Variants in RFTN1 observed in about 807,000 individuals in gnomAD.
RFTN1 encodes the protein raftlin, lipid raft linker 1, also known as raftlin.
Under a neutral mutation model 46.5 loss-of-function variants are expected in RFTN1, and 26 were observed. That is an observed-to-expected ratio of 0.56 (90% CI 0.41 to 0.78). RFTN1 has a LOEUF of 0.78. RFTN1 is among the 30% of genes least tolerant of loss of function. The pLI, the probability that RFTN1 is intolerant of heterozygous loss-of-function variation, is 0.00. For synonymous variants in RFTN1, 261 were observed against 284.2 expected (o/e 0.92, Z 0.82); for missense variants, 693 against 718.7 (o/e 0.96, Z 0.41).
chr3:16,350,235 CTTTG>C (rs1324799023), intron 7 of RFTN1: 1 of 152,106 alleles, frequency 6.6e-6, no homozygotes, highest in Non-Finnish European at 1.5e-5. Flanking sequence ...ATATATTATC[CTTTG>C]TTTAACCATT....
Position 16,398,244 on chromosome 3 carries a change from C to CAAAAAAAAAAA in RFTN1, c.441+11120_441+11130dup, listed in dbSNP as rs202032095. ...CCTGGGTGACAGAGAAAGACTGTCT[C>CAAAAAAAAAAA]AAAAAAAAAAAAAAAAAAAAAAAAA... On this transcript the variant is annotated intron_variant, in intron 4 of 9. Coordinates refer to ENST00000334133, the MANE Select transcript of RFTN1 (RefSeq NM_015150.2). 2.4e-3 allele frequency among the ~76,000 whole-genome samples: 261 copies of CAAAAAAAAAAA among 110,804 alleles called. 4 individuals are homozygous for CAAAAAAAAAAA. The highest frequency in any genetic ancestry group is 4.3e-3 in the Non-Finnish European group (206 of 47,780). The allele number at this position is 110,804 out of a possible 152,430, so 72.7% of individuals were successfully genotyped here.
intron 6 of RFTN1, among the ~76,000 whole-genome samples, chr3:16,367,406 C>T: frequency 6.6e-6 from 1 of 152,228 alleles, no homozygotes; most frequent in Non-Finnish European, 1.5e-5. Flanking sequence ...GTCATACTCT[C>T]CCTCCCAAAA....
intron 3 of RFTN1, among the ~76,000 whole-genome samples, chr3:16,432,684 AAG>A (rs956491124): frequency 3.3e-5 from 5 of 152,018 alleles, no homozygotes; most frequent in South Asian, 2.1e-4. Context: ...AGAAAAAAAA[AAG>A]AGAGAGAGAG....
chr3:16,462,226 G>A (rs1368713127), intron 2 of RFTN1, among the ~76,000 whole-genome samples: 7 of 152,176 alleles, frequency 4.6e-5, no homozygotes, highest in Non-Finnish European at 8.8e-5. Flanking sequence ...GTCAGAACAA[G>A]GATTAAATGA....
At position 16,407,807 on chromosome 3, in the gene RFTN1, AAAT is replaced by A. The variant is rs1341134749; in HGVS notation, c.441+1565_441+1567del. On this transcript the variant is annotated intron_variant, in intron 4 of 9. Transcript: ENST00000334133. This position sits in a 1 kb window ranked among gnomAD's most constrained non-coding sequence, Gnocchi z 4.0. ...CTACTTCCCCCCTCCCCCATTTCTT[AAAT>A]AATAATCTGAATTCTACCAGAGTAG... is the stretch of plus-strand genomic sequence containing the variant. Among the ~76,000 whole-genome samples, 1 of 152,036 alleles carries A rather than the reference AAAT, an allele frequency of 6.6e-6. No individual in the cohort carries two copies. The highest frequency in any genetic ancestry group is 6.6e-5 in the Admixed American group (1 of 15,264).
intron 3 of RFTN1, among the ~76,000 whole-genome samples, chr3:16,430,869 G>T (rs2075371634): frequency 6.6e-6 from 1 of 152,146 alleles, no homozygotes; most frequent in Non-Finnish European, 1.5e-5. Flanking sequence ...TCAACAGTTT[G>T]CTCATTTTTG....
intron 2 of RFTN1, among the ~76,000 whole-genome samples, chr3:16,435,543 C>T (rs978664302): frequency 6.6e-6 from 1 of 152,188 alleles, no homozygotes; most frequent in Non-Finnish European, 1.5e-5. Context: ...GCACTCCAGC[C>T]TGGGCAACAA....
At chr3:16,389,038 C>G (rs761153793) in intron 4 of RFTN1, among the ~76,000 whole-genome samples, 1 of 152,136 alleles carries the variant, frequency 6.6e-6, no homozygotes, top group East Asian at 1.9e-4. Flanking sequence ...AGAATTTAAC[C>G]AGGAGCAGAT....
Position 16,334,344 on chromosome 3 carries a change from A to G in RFTN1, c.1147-7468T>C, listed in dbSNP as rs75696537. ...CTCATTGATTCAACCCTCCTGGAGA[A>G]CAGTTTGACAGTATCTTTCAAAATT... On this transcript the variant is annotated intron_variant, in intron 7 of 9. Coordinates refer to ENST00000334133, the MANE Select transcript of RFTN1 (RefSeq NM_015150.2). This position sits in a 1 kb window ranked among gnomAD's most constrained non-coding sequence, Gnocchi z 4.3. Among the ~76,000 whole-genome samples, 1,142 of 152,334 alleles carry G rather than the reference A, an allele frequency of 7.5e-3. 12 individuals carry two copies. The highest frequency in any genetic ancestry group is 0.025 in the African/African-American group (1,046 of 41,568).
rs67676889 is a variant in RFTN1, at chr3:16,387,611, T to TCTCTCTCTCTCTCTCTCTCTC, written c.442-9510_442-9509insGAGAGAGAGAGAGAGAGAGAG. Among the ~76,000 whole-genome samples the TCTCTCTCTCTCTCTCTCTCTC allele has an allele frequency of 7.6e-6, 1 of 131,524 alleles. No homozygotes were observed. Among genetic ancestry groups the TCTCTCTCTCTCTCTCTCTCTC allele is most frequent in the African/African-American group, 2.9e-5 (1 of 33,950 alleles). 86.3% of individuals were successfully genotyped at this position (131,524 alleles called of 152,430 possible). ...CTCTCTCTCTCTCTCTCTCTCTCTC[T>TCTCTCTCTCTCTCTCTCTCTC]ACTGGCTCCTTCCACTCAGCATACA... On this transcript the variant is annotated intron_variant, in intron 4 of 9. Coordinates refer to ENST00000334133, the MANE Select transcript of RFTN1 (RefSeq NM_015150.2). This position sits in a 1 kb window ranked among gnomAD's most constrained non-coding sequence, Gnocchi z 5.2.
At chr3:16,431,597 G>A (rs1481083218) in intron 3 of RFTN1, among the ~76,000 whole-genome samples, 2 of 152,044 alleles carry the variant, frequency 1.3e-5, no homozygotes, top group South Asian at 2.1e-4. Context: ...TGAAGGATGT[G>A]CCAGTGATCT....
intron 4 of RFTN1, among the ~76,000 whole-genome samples, chr3:16,401,081 G>C (rs1449531983): frequency 1.3e-5 from 2 of 152,106 alleles, no homozygotes; most frequent in Non-Finnish European, 2.9e-5. Context: ...AAAAGCCAAT[G>C]GGGGCCGATC....
chr3:16,332,739 T>C (rs56063558), intron 7 of RFTN1, among the ~76,000 whole-genome samples: 26,605 of 152,152 alleles, frequency 0.17, 2,446 homozygotes, highest in Middle Eastern at 0.28. Context: ...ATTAGTTAGA[T>C]TCCTCTATCT....
At position 16,429,690 on chromosome 3, in the gene RFTN1, A is replaced by G. The variant is rs1323726341; in HGVS notation, c.332+4161T>C. Among the ~76,000 whole-genome samples, 2 of 152,220 alleles carry G rather than the reference A, an allele frequency of 1.3e-5. No individual in the cohort carries two copies. The highest frequency in any genetic ancestry group is 2.9e-5 in the Non-Finnish European group (2 of 68,028). The stretch of plus-strand genomic sequence containing the variant: ...CTCACTCAGCAAGTGTTAGTGAATG[A>G]GTGAGGGGATAAATGCAGGCTTGAG... On this transcript the variant is annotated intron_variant, in intron 3 of 9. Transcript: ENST00000334133. This position sits in a 1 kb window ranked among gnomAD's most constrained non-coding sequence, Gnocchi z 6.4.
rs1290114321 is a variant in RFTN1 at position 16,337,686 on chromosome 3, G to A, written c.1147-10810C>T. 6.7e-6 allele frequency among the ~76,000 whole-genome samples: 1 copy of A among 149,248 alleles called. No homozygotes were observed. Among genetic ancestry groups the A allele is most frequent in the Non-Finnish European group, 1.5e-5 (1 of 67,722 alleles). ...GAACCCAGGAGGCGGAGGTTGCAGTGAGCCCAGATTGCGCCACTGCACTCC... is the reference window on the plus strand; with the variant it reads ...GAACCCAGGAGGCGGAGGTTGCAGTAAGCCCAGATTGCGCCACTGCACTCC... On this transcript the variant is annotated intron_variant, in intron 7 of 9. Coordinates refer to ENST00000334133, the MANE Select transcript of RFTN1 (RefSeq NM_015150.2). The surrounding 1 kb of genome is among the most constrained non-coding windows in gnomAD (Gnocchi z 5.0).
Position 16,426,899 on chromosome 3 carries a change from C to T in RFTN1, c.332+6952G>A, listed in dbSNP as rs2075299675. On this transcript the variant is annotated intron_variant, in intron 3 of 9. Coordinates refer to ENST00000334133, the MANE Select transcript of RFTN1 (RefSeq NM_015150.2). The surrounding 1 kb of genome is among the most constrained non-coding windows in gnomAD (Gnocchi z 5.9). ...CTATTGAGCAATATCTATTCAAGGC[C>T]TGGCACTCTGAGCAAGCAATGGGAA... 6.6e-6 allele frequency among the ~76,000 whole-genome samples: 1 copy of T among 152,098 alleles called. No homozygotes were observed. The highest frequency in any genetic ancestry group is 1.5e-5 in the Non-Finnish European group (1 of 68,016).
intron 4 of RFTN1, among the ~76,000 whole-genome samples, chr3:16,378,916 CA>C (rs2073885306): frequency 6.6e-6 from 1 of 152,100 alleles, no homozygotes; most frequent in Non-Finnish European, 1.5e-5. Context: ...AAAAATAGCC[CA>C]AGGCAATTGG....
At chr3:16,464,835 T>C (rs1327163343) in intron 2 of RFTN1, among the ~76,000 whole-genome samples, 1 of 152,256 alleles carries the variant, frequency 6.6e-6, no homozygotes, top group Non-Finnish European at 1.5e-5. Context: ...TTTACCATCT[T>C]TCCCTTTACA....
Position 16,452,274 on chromosome 3 carries a change from A to G in RFTN1, c.146-18237T>C, listed in dbSNP as rs1164581976. ...AGCCAAAGATTCTAAAGAAAACTAAAAAAAAAATAATAGCTGTCAAGGTAG... is the reference window on the plus strand; with the variant it reads ...AGCCAAAGATTCTAAAGAAAACTAAGAAAAAAATAATAGCTGTCAAGGTAG... On this transcript the variant is annotated intron_variant, in intron 2 of 9. Coordinates refer to ENST00000334133, the MANE Select transcript of RFTN1 (RefSeq NM_015150.2). This position sits in a 1 kb window ranked among gnomAD's most constrained non-coding sequence, Gnocchi z 6.3. Among the ~76,000 whole-genome samples the G allele has an allele frequency of 6.6e-6, 1 of 152,210 alleles. No individual in the cohort carries two copies. The highest frequency in any genetic ancestry group is 1.5e-5 in the Non-Finnish European group (1 of 68,040).
Sources: allele counts gnomAD v4.1 joint callset (sites outside exome capture counted in the v4.1 genomes callset), GRCh38; gene constraint gnomAD v4.1.1; non-coding constraint Gnocchi (gnomAD v3.1); transcripts MANE v1.5; gene names NCBI Gene and HGNC (gene_info 2026-07-23, HGNC 2026-07-21).